The following SH3D19 variants were observed in gnomAD, a reference collection of about 807,000 sequenced individuals.
SH3D19 encodes SH3 domain-containing protein 19.
SH3D19 carries 58 observed loss-of-function variants against 112.1 expected under a neutral mutation model. The ratio of observed to expected loss-of-function variants is 0.52; its 90% CI spans 0.42 to 0.64. SH3D19 has a LOEUF of 0.64. SH3D19 is among the 30% of genes least tolerant of loss of function. The pLI, the probability that SH3D19 is intolerant of heterozygous loss-of-function variation, is 0.00. For missense variants in SH3D19, 1,090 were observed against 1,263.4 expected, an observed-to-expected ratio of 0.86 and a Z score of 2.08; for synonymous variants, 391 against 448.5, an observed-to-expected ratio of 0.87 and a Z score of 1.62.
chr4:151,229,561 T>C (rs1214119762), intron 1 of SH3D19, among the ~76,000 whole-genome samples: 1 of 152,174 alleles, frequency 6.6e-6, no homozygotes, highest in Non-Finnish European at 1.5e-5. Flanking sequence ...CCATGCCTCA[T>C]GGTTAATAAG....
Position 151,201,569 on chromosome 4 carries a change from G to A in SH3D19, c.153-14106C>T, listed in dbSNP as rs141367360. Among the ~76,000 whole-genome samples the A allele has an allele frequency of 1.6e-4, 25 of 152,244 alleles. No individual in the cohort carries two copies. The East Asian group carries it at 4.2e-3, about 26-fold the overall frequency. ...GAAGTAAACAATTTTTTAAACAGGC[G>A]ATTTTAATACAGATTAGAAAATGTG... On this transcript the variant is annotated intron_variant, in intron 2 of 19. Transcript: ENST00000604030.
At chr4:151,302,683 A>G (rs1390011294) in intron 1 of SH3D19, among the ~76,000 whole-genome samples, 1 of 152,244 alleles carries the variant, frequency 6.6e-6, no homozygotes, top group East Asian at 1.9e-4. Flanking sequence ...CTCTGGGTCT[A>G]AATCTTTCAT....
At chr4:151,259,992 T>A (rs1580347422) in intron 1 of SH3D19, among the ~76,000 whole-genome samples, 2 of 152,226 alleles carry the variant, frequency 1.3e-5, no homozygotes, top group Admixed American at 1.3e-4. Context: ...TCCTGAGCCT[T>A]CTTCACTACC....
intron 11 of SH3D19, chr4:151,144,437 G>A (rs1221697380): frequency 1.2e-5 from 8 of 665,746 alleles, no homozygotes; most frequent in Middle Eastern, 2.5e-4. Context: ...TAGATCAATG[G>A]AGCCTGCCAT....
chr4:151,238,708 C>T (rs1770327552), intron 1 of SH3D19, among the ~76,000 whole-genome samples: 1 of 151,928 alleles, frequency 6.6e-6, no homozygotes, highest in Non-Finnish European at 1.5e-5. Context: ...GATTTTTATC[C>T]ACAGTGGGGC....
intron 3 of SH3D19, among the ~76,000 whole-genome samples, chr4:151,181,983 G>C (rs1057163235): frequency 3.3e-5 from 5 of 151,694 alleles, no homozygotes; most frequent in Non-Finnish European, 7.4e-5. Flanking sequence ...CCCGCTTGTA[G>C]GGTTTTTTTT....
chr4:151,237,554 A>G (rs943839799), intron 1 of SH3D19, among the ~76,000 whole-genome samples: 1 of 152,174 alleles, frequency 6.6e-6, no homozygotes, highest in Admixed American at 6.5e-5. Flanking sequence ...TTCACTACTT[A>G]TTACCTGAAG....
chr4:151,293,189 G>A (rs1182274576), intron 1 of SH3D19, among the ~76,000 whole-genome samples: 6 of 151,560 alleles, frequency 4.0e-5, no homozygotes, highest in Non-Finnish European at 7.4e-5. Context: ...AGGGTAGACT[G>A]GCCGGGTGTG....
Position 151,297,387 on chromosome 4 carries a change from T to C in SH3D19, c.112+27854A>G, listed in dbSNP as rs553022541. 2.6e-5 allele frequency among the ~76,000 whole-genome samples: 4 copies of C among 152,338 alleles called. No individual in the cohort carries two copies. The East Asian group carries it at 5.8e-4, about 22-fold the overall frequency. On this transcript the variant is annotated intron_variant, in intron 1 of 19. Coordinates refer to ENST00000604030, the MANE Select transcript of SH3D19 (RefSeq NM_001378122.1). ...CCATTCTTATGACACTTAGCCCACA[T>C]AGCCTTGTGCTATAATTATCTCTGA...
At chr4:151,283,663 A>G (rs1253858444) in intron 1 of SH3D19, among the ~76,000 whole-genome samples, 1 of 151,852 alleles carries the variant, frequency 6.6e-6, no homozygotes, top group East Asian at 1.9e-4. Flanking sequence ...TGGGACTACA[A>G]GCTCACACCT....
chr4:151,215,747 G>A (rs1391369769), intron 2 of SH3D19, among the ~76,000 whole-genome samples: 1 of 152,178 alleles, frequency 6.6e-6, no homozygotes, highest in Admixed American at 6.5e-5. Flanking sequence ...ATGCAGAGGA[G>A]CTGCTAATCA....
intron 3 of SH3D19, among the ~76,000 whole-genome samples, chr4:151,180,698 GC>G (rs1561293956): frequency 6.6e-6 from 1 of 150,672 alleles, no homozygotes; most frequent in East Asian, 2.0e-4. Flanking sequence ...GAGCCACTGC[GC>G]CCGACACATA....
intron 2 of SH3D19, among the ~76,000 whole-genome samples, chr4:151,210,492 C>T (rs890729009): frequency 3.3e-5 from 5 of 151,158 alleles, no homozygotes; most frequent in African/African-American, 9.8e-5. Context: ...AGCTCCGCCT[C>T]CTGGGTTCCT....
intron 15 of SH3D19, 40 bp downstream of exon 15, chr4:151,135,034 T>C: frequency 6.7e-7 from 1 of 1,483,742 alleles, no homozygotes; most frequent in Non-Finnish European, 9.3e-7. Flanking sequence ...GATGGTTATC[T>C]CCTTTGTATT....
chr4:151,171,210 C>CTT (rs767687240), intron 7 of SH3D19, among the ~76,000 whole-genome samples: 1 of 142,670 alleles, frequency 7.0e-6, no homozygotes, highest in African/African-American at 2.6e-5. Context: ...TGGCTATTTT[C>CTT]TTTTTTTTTT....
chr4:151,243,195 G>A (rs1327651270), intron 1 of SH3D19, among the ~76,000 whole-genome samples: 1 of 152,130 alleles, frequency 6.6e-6, no homozygotes, highest in Non-Finnish European at 1.5e-5. Flanking sequence ...AATCAGCTTG[G>A]AGCAAATAGA....
chr4:151,247,608 T>C (rs1334824785), intron 1 of SH3D19, among the ~76,000 whole-genome samples: 1 of 152,222 alleles, frequency 6.6e-6, no homozygotes, highest in Non-Finnish European at 1.5e-5. Context: ...ATGAGATCAT[T>C]TTAGAACATT....
intron 2 of SH3D19, among the ~76,000 whole-genome samples, chr4:151,204,562 TTCAAA>T (rs1405060271): frequency 4.5e-5 from 2 of 44,764 alleles, no homozygotes; most frequent in Admixed American, 5.4e-4. Context: ...GAATCTCACT[TTCAAA>T]ACAAAACATA....
chr4:151,195,614 A>G (rs1312032113), intron 2 of SH3D19, among the ~76,000 whole-genome samples: 1 of 151,778 alleles, frequency 6.6e-6, no homozygotes, highest in Non-Finnish European at 1.5e-5. Context: ...GAACATTTAT[A>G]TATTTTTTTA....
Sources: allele counts gnomAD v4.1 joint callset (sites outside exome capture counted in the v4.1 genomes callset), GRCh38; gene constraint gnomAD v4.1.1; transcripts MANE v1.5; gene names NCBI Gene and HGNC (gene_info 2026-07-23, HGNC 2026-07-21).